CC2D2B: variants seen among roughly 807,000 people sequenced by gnomAD.
CC2D2B encodes protein CC2D2B.
Under a neutral mutation model 161.2 loss-of-function variants are expected in CC2D2B, and 128 were observed. That is an observed-to-expected ratio of 0.79 (90% CI 0.69 to 0.92). The LOEUF (loss-of-function observed/expected upper bound fraction) is 0.92, where lower values mean the gene tolerates loss of function less well. CC2D2B is among the 40% of genes least tolerant of loss of function. CC2D2B has a pLI of 0.00. For synonymous variants in CC2D2B, 391 were observed against 449.8 expected (o/e 0.87, Z 1.65); for missense variants, 1,173 against 1,375.1 (o/e 0.85, Z 2.32).
chr10:96,010,824 T>C (rs2078956994), intron 26 of CC2D2B, among the ~76,000 whole-genome samples: 1 of 152,128 alleles, frequency 6.6e-6, no homozygotes, highest in Non-Finnish European at 1.5e-5. Flanking sequence ...TAGATTGCCT[T>C]TTGCTACCCT....
intron 23 of CC2D2B, 59 bp from the exon 24 acceptor site, chr10:95,996,084 A>G: frequency 1.4e-6 from 1 of 711,880 alleles, no homozygotes; most frequent in Non-Finnish European, 2.2e-6. Context: ...CTAGGCCTCT[A>G]CCTTTATCGA....
intron 24 of CC2D2B, 97 bp downstream of exon 24, chr10:95,996,349 T>C: frequency 1.7e-6 from 1 of 594,292 alleles, no homozygotes; most frequent in Non-Finnish European, 2.9e-6. Flanking sequence ...TGAAATAGGC[T>C]TTATTTAAGC....
chr10:95,914,454 T>A (rs768690987), intron 2 of CC2D2B, among the ~76,000 whole-genome samples: 3 of 152,112 alleles, frequency 2.0e-5, no homozygotes, highest in Non-Finnish European at 2.9e-5. Flanking sequence ...TTGAAGTCAG[T>A]GATATGGTTT....
intron 24 of CC2D2B, among the ~76,000 whole-genome samples, chr10:96,001,058 G>T (rs1223429467): frequency 2.0e-5 from 3 of 152,036 alleles, no homozygotes; most frequent in African/African-American, 7.2e-5. Flanking sequence ...GTTCCTGCTT[G>T]CTACCAAGAA....
At chr10:95,982,565 GC>G (rs1393046746) in intron 18 of CC2D2B, among the ~76,000 whole-genome samples, 1 of 152,060 alleles carries the variant, frequency 6.6e-6, no homozygotes, top group Non-Finnish European at 1.5e-5. Flanking sequence ...CTTTATTCAT[GC>G]CACTGCTCTG....
intron 24 of CC2D2B, among the ~76,000 whole-genome samples, chr10:96,002,959 A>G (rs1384208276): frequency 6.6e-6 from 1 of 151,268 alleles, no homozygotes; most frequent in East Asian, 1.9e-4. Flanking sequence ...TAGGAGGATC[A>G]CTTGAGCCCA....
At chr10:95,967,726 T>A (rs2076989112) in intron 14 of CC2D2B, among the ~76,000 whole-genome samples, 1 of 152,144 alleles carries the variant, frequency 6.6e-6, no homozygotes, top group African/African-American at 2.4e-5. Flanking sequence ...AACTTTTACT[T>A]AGATATTTCT....
At chr10:96,029,254 A>C (rs1418166943) in intron 34 of CC2D2B, among the ~76,000 whole-genome samples, 1 of 27,782 alleles carries the variant, frequency 3.6e-5, no homozygotes, top group Non-Finnish European at 5.4e-5. Context: ...ATATATATAT[A>C]TATATATATA....
intron 19 of CC2D2B, chr10:95,984,540 TATTA>T (rs1315603691): frequency 2.0e-5 from 3 of 152,148 alleles, no homozygotes; most frequent in Non-Finnish European, 4.4e-5. Context: ...TATGATAAAA[TATTA>T]ATTATTTAAT....
rs563242673 is a variant in CC2D2B at position 95,966,269 on chromosome 10, C to A, written c.1433C>A (p.Thr478Asn). ...ACCTTGAGGCCACAACTTTCTTTCA[C>A]TGCAGAATTAACAAGCTTATCCAAG... Reference protein sequence around the residue: ...PITLRPQLSFTAELTSLSKCS... With the variant: ...PITLRPQLSFNAELTSLSKCS... The change falls in exon 14 of 35, where the codon ACT becomes AAT. Residue 478 changes from threonine (T) to asparagine (N), a missense_variant. Physicochemically the swap from Thr to Asn is moderately conservative, Grantham distance 65 (BLOSUM62 0). This residue lies in a region of CC2D2B where 277 missense variants were observed against 420.6 expected (regional missense o/e 0.66). Transcript: ENST00000646931. 8.2e-6 allele frequency: 10 copies of A among 1,218,996 alleles called. No homozygotes were observed. The South Asian group carries it at 4.2e-4, about 51-fold the overall frequency. The allele number at this position is 1,218,996 out of a possible 1,614,324, so 75.5% of individuals were successfully genotyped here.
chr10:95,997,366 T>G (rs1440776665), intron 24 of CC2D2B, among the ~76,000 whole-genome samples: 1 of 152,146 alleles, frequency 6.6e-6, no homozygotes, highest in Non-Finnish European at 1.5e-5. Flanking sequence ...CTCTCAGACC[T>G]TTTTATGCAT....
chr10:96,030,509 T>A (rs562782621), intron 34 of CC2D2B, among the ~76,000 whole-genome samples: 14 of 152,052 alleles, frequency 9.2e-5, no homozygotes, highest in Non-Finnish European at 1.8e-4. Context: ...TATTGGGAGT[T>A]GAGTACTTAG....
chr10:96,002,371 A>G (rs1312349618), intron 24 of CC2D2B, among the ~76,000 whole-genome samples: 1 of 152,114 alleles, frequency 6.6e-6, no homozygotes, highest in Non-Finnish European at 1.5e-5. Context: ...CATAATAAAT[A>G]ATATTTATAA....
intron 16 of CC2D2B, among the ~76,000 whole-genome samples, chr10:95,973,182 C>T (rs965235351): frequency 8.6e-5 from 13 of 151,856 alleles, no homozygotes; most frequent in African/African-American, 1.7e-4. Context: ...GAGGGAAGAA[C>T]GGAGTTTGCT....
chr10:95,938,764 T>C, intron 8 of CC2D2B, 33 bp from the exon 9 acceptor site: 1 of 703,626 alleles, frequency 1.4e-6, no homozygotes, highest in East Asian at 2.7e-5. Context: ...TTTAGCAAAA[T>C]ATTTAATTAC....
At chr10:95,953,491 T>G (rs1002026700) in intron 10 of CC2D2B, among the ~76,000 whole-genome samples, 4 of 152,234 alleles carry the variant, frequency 2.6e-5, no homozygotes, top group African/African-American at 9.6e-5. Flanking sequence ...CATGAGCCAC[T>G]GAGCTTGGCA....
rs1378685100 is a variant in CC2D2B, at chr10:95,991,945, A to G, written c.2471+484A>G. 2.0e-5 allele frequency among the ~76,000 whole-genome samples: 3 copies of G among 152,302 alleles called. No homozygotes were observed. In the East Asian group the frequency reaches 5.8e-4, roughly 29 times the overall value. ...AATTCTCATACTGTCCTATCTGTGA[A>G]CTAAGGGTAGGAACAGGGCTGTCTC... On this transcript the variant is annotated intron_variant, in intron 21 of 34. Transcript: ENST00000646931.
intron 6 of CC2D2B, among the ~76,000 whole-genome samples, chr10:95,929,470 C>A (rs1295071323): frequency 1.3e-5 from 2 of 152,140 alleles, no homozygotes; most frequent in African/African-American, 4.8e-5. Flanking sequence ...ATCCTTTGCC[C>A]ATGCCTATGT....
At chr10:95,958,067 A>C (rs77725587) in intron 11 of CC2D2B, among the ~76,000 whole-genome samples, 44 of 151,702 alleles carry the variant, frequency 2.9e-4, no homozygotes, top group Admixed American at 7.9e-4. Flanking sequence ...AAAAAAAAAA[A>C]CCTACTAGAT....
Sources: gnomAD v4.1 joint callset for allele counts (sites outside exome capture counted in the v4.1 genomes callset) on GRCh38, gnomAD v4.1.1 for gene constraint, gnomAD v4.1.1 regional missense constraint, MANE v1.5 for transcripts, NCBI Gene and HGNC (gene_info 2026-07-23, HGNC 2026-07-21) for gene names.